The following ZNF385D variants were observed in gnomAD, a reference collection of about 807,000 sequenced individuals.
The protein encoded by ZNF385D is zinc finger protein 659.
In ZNF385D, 15 loss-of-function variants were observed where a neutral mutation model predicts 35.8. The observed-to-expected ratio is 0.42, with a 90% CI of 0.28 to 0.64. The LOEUF (loss-of-function observed/expected upper bound fraction) is 0.64. Among genes scored for constraint, ZNF385D ranks in the 30% least tolerant of loss-of-function variants. ZNF385D has a pLI of 0.23. For missense variants in ZNF385D, 474 were observed against 494.6 expected, an observed-to-expected ratio of 0.96 and a Z score of 0.39; for synonymous variants, 212 against 186.8, an observed-to-expected ratio of 1.13 and a Z score of -1.10.
intron 2 of ZNF385D, among the ~76,000 whole-genome samples, chr3:22,363,935 C>T (rs899478925): frequency 1.3e-5 from 2 of 152,126 alleles, no homozygotes; most frequent in African/African-American, 4.8e-5. Context: ...GGCATCTTAC[C>T]TTCTCCCTCA....
At chr3:21,757,325 T>C (rs1439879639) in intron 3 of ZNF385D, among the ~76,000 whole-genome samples, 1 of 151,886 alleles carries the variant, frequency 6.6e-6, no homozygotes, top group African/African-American at 2.4e-5. Flanking sequence ...GTATTTTTGG[T>C]AGAGATAGGG....
intron 3 of ZNF385D, among the ~76,000 whole-genome samples, chr3:22,152,290 A>G (rs1463938196): frequency 6.6e-6 from 1 of 152,168 alleles, no homozygotes; most frequent in Non-Finnish European, 1.5e-5. Context: ...AAAGAGCAAC[A>G]ACAACTGCAT....
At chr3:21,445,723 ATGC>A (rs1355580838) in intron 4 of ZNF385D, among the ~76,000 whole-genome samples, 1 of 152,178 alleles carries the variant, frequency 6.6e-6, no homozygotes, top group Non-Finnish European at 1.5e-5. Context: ...ATAAACACGG[ATGC>A]TGCTGCCATC....
intron 3 of ZNF385D, among the ~76,000 whole-genome samples, chr3:21,919,557 T>A (rs998437041): frequency 6.6e-6 from 1 of 152,220 alleles, no homozygotes; most frequent in African/African-American, 2.4e-5. Context: ...GGGAACAGTT[T>A]CTTGCCACAG....
chr3:22,280,518 A>G (rs1242182328), intron 2 of ZNF385D, among the ~76,000 whole-genome samples: 1 of 152,026 alleles, frequency 6.6e-6, no homozygotes, highest in East Asian at 1.9e-4. Context: ...CCATTTGTTG[A>G]ATAGGGTGTC....
chr3:21,679,771 C>G (rs1330411950), intron 1 of ZNF385D, among the ~76,000 whole-genome samples: 1 of 151,978 alleles, frequency 6.6e-6, no homozygotes, highest in Non-Finnish European at 1.5e-5. Flanking sequence ...ATAATTATAT[C>G]CAAGCGACTT....
intron 2 of ZNF385D, among the ~76,000 whole-genome samples, chr3:22,195,179 G>C (rs1235190616): frequency 6.6e-6 from 1 of 151,818 alleles, no homozygotes; most frequent in Non-Finnish European, 1.5e-5. Flanking sequence ...ATGGTTTCTA[G>C]TGGAATCACA....
At chr3:22,078,220 A>T (rs190870760) in intron 3 of ZNF385D, among the ~76,000 whole-genome samples, 1 of 151,964 alleles carries the variant, frequency 6.6e-6, no homozygotes, top group Non-Finnish European at 1.5e-5. Context: ...CACAGCATAG[A>T]CCCTTTTCAA....
intron 3 of ZNF385D, among the ~76,000 whole-genome samples, chr3:21,803,916 T>C (rs567894134): frequency 4.5e-4 from 69 of 152,348 alleles, no homozygotes; most frequent in Middle Eastern, 6.8e-3. Flanking sequence ...TGTGGCGCTG[T>C]CACTTGCAAA....
chr3:21,961,933 A>C (rs928019304), intron 3 of ZNF385D, among the ~76,000 whole-genome samples: 6 of 152,160 alleles, frequency 3.9e-5, no homozygotes, highest in Non-Finnish European at 8.8e-5. Context: ...ATTAAGGAGA[A>C]AAGTCACCGC....
intron 3 of ZNF385D, among the ~76,000 whole-genome samples, chr3:21,888,851 A>T (rs1479243696): frequency 1.3e-5 from 2 of 152,220 alleles, no homozygotes; most frequent in Non-Finnish European, 2.9e-5. Context: ...GCAGAGGGCC[A>T]AGTCTGTGGC....
chr3:21,932,185 A>C (rs1701046515), intron 3 of ZNF385D, among the ~76,000 whole-genome samples: 2 of 149,504 alleles, frequency 1.3e-5, no homozygotes, highest in South Asian at 4.2e-4. Context: ...AAAAAAAAAA[A>C]AAAAAAAAAG....
At chr3:22,193,444 A>G (rs1200370879) in intron 2 of ZNF385D, among the ~76,000 whole-genome samples, 1 of 152,098 alleles carries the variant, frequency 6.6e-6, no homozygotes, top group African/African-American at 2.4e-5. Flanking sequence ...ATTATATATG[A>G]TATTAACGAA....
intron 3 of ZNF385D, among the ~76,000 whole-genome samples, chr3:22,015,084 G>T (rs1456664513): frequency 6.6e-6 from 1 of 151,588 alleles, no homozygotes. Flanking sequence ...CCATAGGATG[G>T]GACTCCCACA....
chr3:21,788,576 T>A (rs1017810556), intron 3 of ZNF385D, among the ~76,000 whole-genome samples: 3 of 152,246 alleles, frequency 2.0e-5, no homozygotes, highest in African/African-American at 7.2e-5. Flanking sequence ...TAGTACATTG[T>A]CTTTGAATCA....
intron 3 of ZNF385D, among the ~76,000 whole-genome samples, chr3:22,152,705 G>C (rs929575593): frequency 6.6e-6 from 1 of 152,066 alleles, no homozygotes; most frequent in Admixed American, 6.6e-5. Flanking sequence ...AGATAATGCA[G>C]GATAACCTCT....
At chr3:22,069,563 G>A (rs184032731) in intron 3 of ZNF385D, among the ~76,000 whole-genome samples, 2 of 152,134 alleles carry the variant, frequency 1.3e-5, no homozygotes, top group Non-Finnish European at 2.9e-5. Flanking sequence ...AGAAGCAAAA[G>A]GATGGCATAA....
intron 3 of ZNF385D, among the ~76,000 whole-genome samples, chr3:22,025,673 G>A (rs1697494790): frequency 6.6e-6 from 1 of 152,124 alleles, no homozygotes. Flanking sequence ...TGAGCGAGCT[G>A]GAAATGCCTG....
At chr3:21,589,359 A>G (rs2125727027) in intron 2 of ZNF385D, among the ~76,000 whole-genome samples, 1 of 138,374 alleles carries the variant, frequency 7.2e-6, no homozygotes, top group East Asian at 2.2e-4. Context: ...CAAATCAATG[A>G]ATGAGCTGGG....
Sources: gnomAD v4.1 joint callset for allele counts (sites outside exome capture counted in the v4.1 genomes callset) on GRCh38, gnomAD v4.1.1 for gene constraint, MANE v1.5 for transcripts, NCBI Gene and HGNC (gene_info 2026-07-23, HGNC 2026-07-21) for gene names.